The following CNTN5 variants were observed in gnomAD, a reference collection of about 807,000 sequenced individuals.
The protein encoded by CNTN5 is contactin-5.
Under a neutral mutation model 129.1 loss-of-function variants are expected in CNTN5, and 77 were observed. The ratio of observed to expected loss-of-function variants is 0.60; its 90% CI spans 0.50 to 0.72. The LOEUF is 0.72. Ranked by LOEUF, CNTN5 falls within the 30% of genes least tolerant of loss-of-function variation. CNTN5 has a pLI of 0.00. For synonymous variants in CNTN5, 509 were observed against 465.6 expected, an observed-to-expected ratio of 1.09 and a Z score of -1.20; for missense variants, 1,478 against 1,328.8, an observed-to-expected ratio of 1.11 and a Z score of -1.75.
intron 1 of CNTN5, among the ~76,000 whole-genome samples, chr11:99,234,647 G>A (rs1252196920): frequency 6.6e-6 from 1 of 151,880 alleles, no homozygotes; most frequent in Non-Finnish European, 1.5e-5. Flanking sequence ...CACTACTTAT[G>A]TGCCTAATAA....
chr11:99,224,822 C>T (rs754950144), intron 1 of CNTN5, among the ~76,000 whole-genome samples: 18 of 151,874 alleles, frequency 1.2e-4, no homozygotes, highest in Non-Finnish European at 2.2e-4. Context: ...GATGACTGAT[C>T]AATGCAGAAA....
intron 3 of CNTN5, among the ~76,000 whole-genome samples, chr11:99,772,689 A>C (rs1565513428): frequency 6.6e-6 from 1 of 152,112 alleles, no homozygotes; most frequent in Non-Finnish European, 1.5e-5. Context: ...ATGTCATAAT[A>C]CATTTTAAAT....
At chr11:99,994,531 A>G (rs1391199608) in intron 8 of CNTN5, among the ~76,000 whole-genome samples, 1 of 152,134 alleles carries the variant, frequency 6.6e-6, no homozygotes, top group African/African-American at 2.4e-5. Context: ...CCACTCCAAC[A>G]CCCTATGACA....
At chr11:100,337,312 T>C in intron 21 of CNTN5, 1 of 982,438 alleles carries the variant, frequency 1.0e-6, no homozygotes, top group South Asian at 1.3e-5. Flanking sequence ...AGGATATGAA[T>C]GAGTTCACCA....
chr11:99,598,313 T>A (rs1950194328), intron 3 of CNTN5, among the ~76,000 whole-genome samples: 2 of 85,430 alleles, frequency 2.3e-5, no homozygotes. Flanking sequence ...TCTTTTCTTT[T>A]CTTTTCTTTT....
intron 14 of CNTN5, among the ~76,000 whole-genome samples, chr11:100,192,063 G>A (rs1280674357): frequency 6.6e-6 from 1 of 151,840 alleles, no homozygotes; most frequent in African/African-American, 2.4e-5. Flanking sequence ...TAAAATACCA[G>A]TACTCTGATA....
At chr11:99,122,944 G>A (rs762462364) in intron 1 of CNTN5, among the ~76,000 whole-genome samples, 3 of 152,042 alleles carry the variant, frequency 2.0e-5, no homozygotes, top group African/African-American at 7.2e-5. Context: ...GCAGTCTACC[G>A]TTCATGGGCA....
At chr11:99,891,151 A>G (rs943420798) in intron 6 of CNTN5, among the ~76,000 whole-genome samples, 1 of 152,076 alleles carries the variant, frequency 6.6e-6, no homozygotes, top group African/African-American at 2.4e-5. Flanking sequence ...ACTTTAGTTA[A>G]TAACAATATA....
At chr11:100,248,892 TTC>T (rs1949903739) in intron 16 of CNTN5, among the ~76,000 whole-genome samples, 1 of 152,124 alleles carries the variant, frequency 6.6e-6, no homozygotes, top group Admixed American at 6.6e-5. Context: ...ATACACAACT[TTC>T]TGTTTGTTAG....
chr11:99,730,529 A>G (rs1288207288), intron 3 of CNTN5, among the ~76,000 whole-genome samples: 1 of 152,210 alleles, frequency 6.6e-6, no homozygotes, highest in African/African-American at 2.4e-5. Flanking sequence ...TTCAATGAGT[A>G]TTGGTAATAC....
intron 3 of CNTN5, among the ~76,000 whole-genome samples, chr11:99,661,663 T>G (rs1364555443): frequency 2.0e-5 from 3 of 152,040 alleles, no homozygotes; most frequent in African/African-American, 7.2e-5. Context: ...CATATGCATT[T>G]GTTTGCGTTC....
Position 99,831,765 on chromosome 11 carries a change from A to G in CNTN5, c.277+12000A>G, listed in dbSNP as rs75500522. Among the ~76,000 whole-genome samples the G allele has an allele frequency of 9.8e-3, 1,489 of 152,294 alleles. 7 individuals are homozygous for G. Among genetic ancestry groups the G allele is most frequent in the Non-Finnish European group, 0.014 (969 of 68,024 alleles). On this transcript the variant is annotated intron_variant, in intron 4 of 24. Coordinates refer to ENST00000524871, the MANE Select transcript of CNTN5 (RefSeq NM_014361.4). ...AAGTGGTTGATTGTTGTTGCATAGA[A>G]TAAGAGAATATGATACTTCAAAATG...
intron 1 of CNTN5, among the ~76,000 whole-genome samples, chr11:99,203,503 A>C (rs534450018): frequency 6.6e-6 from 1 of 152,238 alleles, no homozygotes; most frequent in South Asian, 2.1e-4. Flanking sequence ...AAACACTTAC[A>C]GTAAATCCTT....
intron 9 of CNTN5, among the ~76,000 whole-genome samples, chr11:100,030,541 A>T (rs548414696): frequency 2.0e-5 from 3 of 152,252 alleles, no homozygotes; most frequent in Non-Finnish European, 4.4e-5. Context: ...TTGTGAACCA[A>T]TGTCACAAGT....
At chr11:99,943,289 A>ATGAT (rs1159791590) in intron 7 of CNTN5, among the ~76,000 whole-genome samples, 1 of 152,140 alleles carries the variant, frequency 6.6e-6, no homozygotes, top group African/African-American at 2.4e-5. Context: ...ATAACCAGTG[A>ATGAT]TGATAGGCTT....
rs570553479 is a variant in CNTN5 at position 99,578,915 on chromosome 11, C to T, written c.55+22646C>T. On this transcript the variant is annotated intron_variant, in intron 3 of 24. Coordinates refer to ENST00000524871, the MANE Select transcript of CNTN5 (RefSeq NM_014361.4). ...ATGAAGTCCTTGCCCATGCCTATGT[C>T]CTGAATGGTATTGCCTAGGTTTTCT... Among the ~76,000 whole-genome samples the T allele has an allele frequency of 4.6e-5, 7 of 152,144 alleles. 1 individual carries two copies. In the South Asian group the frequency reaches 1.5e-3, roughly 32 times the overall value.
chr11:100,157,504 A>G (rs1034399144), intron 13 of CNTN5, among the ~76,000 whole-genome samples: 1 of 148,030 alleles, frequency 6.8e-6, no homozygotes, highest in East Asian at 2.0e-4. Context: ...GAAAAACTCA[A>G]TCTTGTAAAA....
At chr11:99,985,781 A>G (rs1938635115) in intron 8 of CNTN5, among the ~76,000 whole-genome samples, 3 of 152,052 alleles carry the variant, frequency 2.0e-5, no homozygotes. Flanking sequence ...ATAACCCCTC[A>G]TCTTCCTGGC....
At chr11:99,709,866 T>C (rs1954901013) in intron 3 of CNTN5, among the ~76,000 whole-genome samples, 1 of 151,820 alleles carries the variant, frequency 6.6e-6, no homozygotes, top group Admixed American at 6.6e-5. Context: ...AGGTTTAGAG[T>C]TTTAAATTAA....
Sources: gnomAD v4.1 joint callset for allele counts (sites outside exome capture counted in the v4.1 genomes callset) on GRCh38, gnomAD v4.1.1 for gene constraint, MANE v1.5 for transcripts, NCBI Gene and HGNC (gene_info 2026-07-23, HGNC 2026-07-21) for gene names.